The following NRXN3 variants were observed in gnomAD, a reference collection of about 807,000 sequenced individuals.
The protein encoded by NRXN3 is neurexin 3.
A neutral mutation model predicts 137.6 loss-of-function variants in NRXN3; 32 were observed. That is an observed-to-expected ratio of 0.23 (90% CI 0.18 to 0.31). The LOEUF (loss-of-function observed/expected upper bound fraction) is 0.31, where lower values mean the gene tolerates loss of function less well. Ranked by LOEUF, NRXN3 falls within the 10% of genes least tolerant of loss-of-function variation. The pLI is 1.00. For missense variants in NRXN3, 1,574 were observed against 2,062.5 expected, an observed-to-expected ratio of 0.76 and a Z score of 4.59; for synonymous variants, 798 against 784.5, an observed-to-expected ratio of 1.02 and a Z score of -0.29.
chr14:78,709,447 C>G lies in NRXN3; in HGVS notation c.1452C>G (p.Ile484Met). ...DFRTTEPNGL[I>M]LFTHGKPQER... ...GCACCACAGAGCCCAATGGCCTGATCCTCTTCACTCATGGAAAGCCCCAAG... is the reference window on the plus strand; with the variant it reads ...GCACCACAGAGCCCAATGGCCTGATGCTCTTCACTCATGGAAAGCCCCAAG... The change falls in exon 7 of 21, where the codon ATC becomes ATG. Residue 484 changes from isoleucine (I) to methionine (M), a missense_variant. Ile to Met is a conservative substitution (Grantham distance 10). This residue lies in a region of NRXN3 where 718 missense variants were observed against 887.6 expected (regional missense o/e 0.81). Coordinates refer to ENST00000335750, the MANE Select transcript of NRXN3 (RefSeq NM_001330195.2). The G allele has an allele frequency of 6.2e-7, 1 of 1,614,118 alleles. No homozygotes were observed. Among genetic ancestry groups the G allele is most frequent in the Non-Finnish European group, 8.5e-7 (1 of 1,180,012 alleles).
At chr14:78,641,628 A>G (rs1157916628) in intron 4 of NRXN3, among the ~76,000 whole-genome samples, 14 of 152,222 alleles carry the variant, frequency 9.2e-5, no homozygotes, top group Admixed American at 7.2e-4. Flanking sequence ...TTGTTGACCA[A>G]TGGAGGAGAT....
chr14:78,718,202 T>C lies in NRXN3; in HGVS notation c.2044+3063T>C, dbSNP rs17108116. Reference sequence around the variant, plus strand: ...GTCTAAGTCTAGAATGGATCATTTGTACTAAATGTGTTAAGCCTAAGACAA... The same window carrying C: ...GTCTAAGTCTAGAATGGATCATTTGCACTAAATGTGTTAAGCCTAAGACAA... On this transcript the variant is annotated intron_variant, in intron 8 of 20. Transcript: ENST00000335750. 0.011 allele frequency among the ~76,000 whole-genome samples: 1,704 copies of C among 152,294 alleles called. 90 individuals carry two copies. The East Asian group carries it at 0.18, about 16-fold the overall frequency.
intron 17 of NRXN3, among the ~76,000 whole-genome samples, chr14:79,681,531 C>A (rs370995055): frequency 2.6e-5 from 4 of 151,934 alleles, no homozygotes; most frequent in African/African-American, 4.8e-5. Context: ...GTTCACATGG[C>A]AATCTCAGGT....
intron 15 of NRXN3, among the ~76,000 whole-genome samples, chr14:79,061,006 G>A (rs2099673572): frequency 6.6e-6 from 1 of 152,136 alleles, no homozygotes; most frequent in Admixed American, 6.6e-5. Flanking sequence ...TCTATCGTGG[G>A]ACATAATAAT....
At chr14:79,036,379 T>A (rs2099615989) in intron 15 of NRXN3, among the ~76,000 whole-genome samples, 1 of 152,000 alleles carries the variant, frequency 6.6e-6, no homozygotes, top group South Asian at 2.1e-4. Flanking sequence ...TGATAGATAC[T>A]TCACCATGGT....
intron 19 of NRXN3, among the ~76,000 whole-genome samples, chr14:79,754,810 G>A (rs893147796): frequency 6.6e-6 from 1 of 151,658 alleles, no homozygotes; most frequent in Non-Finnish European, 1.5e-5. Flanking sequence ...ATTATGGAAC[G>A]GTTTCCGCAT....
chr14:79,037,355 C>T (rs1303087619), intron 15 of NRXN3, among the ~76,000 whole-genome samples: 2 of 152,080 alleles, frequency 1.3e-5, no homozygotes, highest in African/African-American at 2.4e-5. Flanking sequence ...ACCTGTAGCC[C>T]ATTTCCCCTG....
chr14:78,445,007 A>C (rs1359160375), intron 4 of NRXN3, among the ~76,000 whole-genome samples: 1 of 150,954 alleles, frequency 6.6e-6, no homozygotes, highest in African/African-American at 2.4e-5. Flanking sequence ...GCAGGTTGTA[A>C]GTTTAAGTGA....
At chr14:79,012,816 G>GTA (rs2099573308) in intron 15 of NRXN3, among the ~76,000 whole-genome samples, 4 of 152,176 alleles carry the variant, frequency 2.6e-5, no homozygotes, top group African/African-American at 9.6e-5. Context: ...TGAGATCCTT[G>GTA]GTATAATTAA....
Position 79,041,522 on chromosome 14 carries a change from A to G in NRXN3, c.3262+53381A>G, listed in dbSNP as rs1176817435. The stretch of plus-strand genomic sequence containing the variant: ...AGATAAGTTCTTAATATGTCTTAAT[A>G]TAGCCTTGGGTTCTGGGATATGCTA... On this transcript the variant is annotated intron_variant, in intron 15 of 20. Coordinates refer to ENST00000335750, the MANE Select transcript of NRXN3 (RefSeq NM_001330195.2). Among the ~76,000 whole-genome samples, 3 of 152,344 alleles carry G rather than the reference A, an allele frequency of 2.0e-5. No homozygotes were observed. In the East Asian group the frequency reaches 5.8e-4, roughly 29 times the overall value.
intron 10 of NRXN3, among the ~76,000 whole-genome samples, chr14:78,896,328 A>AT (rs1336302129): frequency 7.2e-5 from 11 of 151,996 alleles, no homozygotes; most frequent in Non-Finnish European, 1.3e-4. Context: ...AGTAAAACAT[A>AT]TTTTTTATTT....
intron 16 of NRXN3, among the ~76,000 whole-genome samples, chr14:79,474,565 C>A (rs1271322143): frequency 6.6e-6 from 1 of 152,018 alleles, no homozygotes; most frequent in Non-Finnish European, 1.5e-5. Flanking sequence ...TAGGTCATGA[C>A]CTTGGTTAGG....
chr14:79,280,212 C>A, intron 15 of NRXN3: 1 of 1,581,840 alleles, frequency 6.3e-7, no homozygotes, highest in East Asian at 2.2e-5. Context: ...CTATGATGGG[C>A]CCTTGGGCAT....
intron 15 of NRXN3, among the ~76,000 whole-genome samples, chr14:79,208,354 T>C (rs1032888055): frequency 2.0e-5 from 3 of 152,200 alleles, no homozygotes; most frequent in South Asian, 2.1e-4. Context: ...TATGCCATCA[T>C]GGTTCATTTT....
chr14:78,390,834 A>T (rs1472868997), intron 4 of NRXN3, among the ~76,000 whole-genome samples: 1 of 152,218 alleles, frequency 6.6e-6, no homozygotes, highest in Non-Finnish European at 1.5e-5. Context: ...CAGGTTTGTT[A>T]CATAGGTAAA....
chr14:78,608,621 A>G (rs2097272721), intron 4 of NRXN3, among the ~76,000 whole-genome samples: 1 of 152,208 alleles, frequency 6.6e-6, no homozygotes, highest in Admixed American at 6.5e-5. Flanking sequence ...GGAAGGGTAT[A>G]TATACAGATT....
intron 4 of NRXN3, among the ~76,000 whole-genome samples, chr14:78,476,712 C>T (rs982930865): frequency 2.6e-5 from 4 of 151,822 alleles, no homozygotes; most frequent in African/African-American, 9.7e-5. Context: ...TCCCCAGCAC[C>T]CCTGAGATAA....
intron 4 of NRXN3, among the ~76,000 whole-genome samples, chr14:78,433,469 A>G (rs1200127208): frequency 6.6e-6 from 1 of 152,116 alleles, no homozygotes; most frequent in Non-Finnish European, 1.5e-5. Flanking sequence ...GTGTCCCCCA[A>G]AGTTTATATG....
At position 78,523,558 on chromosome 14, in the gene NRXN3, G is replaced by A. The variant is rs553580613; in HGVS notation, c.758-121562G>A. Among the ~76,000 whole-genome samples, 15 of 150,342 alleles carry A rather than the reference G, an allele frequency of 1.0e-4. 1 individual carries two copies. Among genetic ancestry groups the A allele is most frequent in the African/African-American group, 2.9e-4 (12 of 40,928 alleles). ...CTCACGCCTGTAATCCCAGCACTTT[G>A]GGAGGCCAAGGCGGGCGGATCACGG... On this transcript the variant is annotated intron_variant, in intron 4 of 20. Coordinates refer to ENST00000335750, the MANE Select transcript of NRXN3 (RefSeq NM_001330195.2).
Sources: allele counts gnomAD v4.1 joint callset (sites outside exome capture counted in the v4.1 genomes callset), GRCh38; gene constraint gnomAD v4.1.1; regional missense constraint gnomAD v4.1.1; transcripts MANE v1.5; gene names NCBI Gene and HGNC (gene_info 2026-07-23, HGNC 2026-07-21).